The following PRKG1 variants were observed in gnomAD, a reference collection of about 807,000 sequenced individuals.
PRKG1 encodes the protein cGMP-dependent protein kinase 1.
A neutral mutation model predicts 88.1 loss-of-function variants in PRKG1; 35 were observed. The observed-to-expected ratio is 0.40, with a 90% CI of 0.30 to 0.53. The LOEUF (loss-of-function observed/expected upper bound fraction) is 0.53. PRKG1 is among the 20% of genes least tolerant of loss of function. PRKG1 has a pLI of 0.59. For synonymous variants in PRKG1, 303 were observed against 292.5 expected, an observed-to-expected ratio of 1.04 and a Z score of -0.37; for missense variants, 540 against 839.8, an observed-to-expected ratio of 0.64 and a Z score of 4.41.
intron 3 of PRKG1, among the ~76,000 whole-genome samples, chr10:51,673,627 A>T (rs1017808805): frequency 5.9e-5 from 9 of 152,214 alleles, no homozygotes; most frequent in Non-Finnish European, 1.3e-4. Context: ...TTCATTTCTC[A>T]TCTTGTGACC....
chr10:51,667,676 A>G (rs1224046784), intron 3 of PRKG1, among the ~76,000 whole-genome samples: 1 of 152,210 alleles, frequency 6.6e-6, no homozygotes, highest in East Asian at 1.9e-4. Flanking sequence ...AGTCTTGTCC[A>G]TGTGTTATTT....
At chr10:51,692,877 A>G (rs1052147587) in intron 3 of PRKG1, among the ~76,000 whole-genome samples, 10 of 152,208 alleles carry the variant, frequency 6.6e-5, no homozygotes, top group African/African-American at 1.9e-4. Flanking sequence ...ATGATTGAGA[A>G]TGTTGTGTAT....
chr10:51,170,434 G>GTA (rs112008802), intron 2 of PRKG1, among the ~76,000 whole-genome samples: 6,562 of 119,516 alleles, frequency 0.055, 329 homozygotes, highest in African/African-American at 0.18. Flanking sequence ...AAATGTCTGG[G>GTA]TATACACACA....
intron 1 of PRKG1, among the ~76,000 whole-genome samples, chr10:51,068,071 G>C (rs1397212433): frequency 6.6e-6 from 1 of 151,976 alleles, no homozygotes; most frequent in Non-Finnish European, 1.5e-5. Context: ...CCCCAGCCTG[G>C]GGCTTCTACC....
At chr10:52,229,205 G>A (rs532540275) in intron 9 of PRKG1, among the ~76,000 whole-genome samples, 135 of 152,118 alleles carry the variant, frequency 8.9e-4, no homozygotes, top group Non-Finnish European at 1.8e-3. Flanking sequence ...ATTACTCAAA[G>A]GGGTAAAGAC....
chr10:51,478,430 A>C (rs142114477), intron 3 of PRKG1, among the ~76,000 whole-genome samples: 2,954 of 152,166 alleles, frequency 0.019, 52 homozygotes, highest in South Asian at 0.035. Context: ...TAAGAATGCA[A>C]AAACTGGCCC....
intron 3 of PRKG1, among the ~76,000 whole-genome samples, chr10:51,760,692 G>A (rs186719206): frequency 1.9e-4 from 29 of 151,916 alleles, no homozygotes; most frequent in Admixed American, 6.5e-4. Context: ...GTCTGGTCTC[G>A]AACTCTTGAC....
chr10:52,093,150 T>G (rs1367374025), intron 7 of PRKG1, among the ~76,000 whole-genome samples: 3 of 152,174 alleles, frequency 2.0e-5, no homozygotes, highest in Non-Finnish European at 2.9e-5. Flanking sequence ...TAACTTTCAT[T>G]GTTAGAAATA....
At chr10:51,230,283 A>G (rs551365248) in intron 2 of PRKG1, among the ~76,000 whole-genome samples, 126 of 150,272 alleles carry the variant, frequency 8.4e-4, no homozygotes, top group African/African-American at 3.1e-3. Flanking sequence ...ACAAAGAGAC[A>G]TGCATAGAGG....
chr10:51,960,736 C>T (rs2133070613), intron 5 of PRKG1, among the ~76,000 whole-genome samples: 1 of 152,198 alleles, frequency 6.6e-6, no homozygotes, highest in East Asian at 1.9e-4. Context: ...AGATGAATCA[C>T]GTGTTTTATG....
At chr10:51,614,991 A>G (rs971527764) in intron 3 of PRKG1, among the ~76,000 whole-genome samples, 6 of 132,584 alleles carry the variant, frequency 4.5e-5, no homozygotes, top group Non-Finnish European at 9.8e-5. Context: ...AACTTTGAAT[A>G]TATCCATCTT....
At chr10:51,469,023 T>A (rs1318602070) in intron 3 of PRKG1, among the ~76,000 whole-genome samples, 2 of 151,808 alleles carry the variant, frequency 1.3e-5, no homozygotes, top group Non-Finnish European at 3.0e-5. Flanking sequence ...TCTGAAAGCA[T>A]AGGACTCTTT....
intron 2 of PRKG1, among the ~76,000 whole-genome samples, chr10:51,416,214 TA>T (rs57869919): frequency 0.02 from 3,078 of 152,280 alleles, 72 homozygotes; most frequent in Middle Eastern, 0.058. Flanking sequence ...TCTAATAAAA[TA>T]ATTCAATTAA....
intron 9 of PRKG1, among the ~76,000 whole-genome samples, chr10:52,202,417 CT>C (rs1458184072): frequency 1.3e-5 from 2 of 152,022 alleles, no homozygotes; most frequent in Admixed American, 6.6e-5. Flanking sequence ...GGTGGATTAG[CT>C]TTTTGATGTG....
intron 3 of PRKG1, among the ~76,000 whole-genome samples, chr10:51,593,236 T>C (rs1838356768): frequency 6.6e-6 from 1 of 152,212 alleles, no homozygotes; most frequent in African/African-American, 2.4e-5. Context: ...GAAAATACAT[T>C]TCTCATATAC....
chr10:51,609,833 G>C (rs1199176943), intron 3 of PRKG1, among the ~76,000 whole-genome samples: 1 of 152,018 alleles, frequency 6.6e-6, no homozygotes. Context: ...ACTGGGGCCT[G>C]TCAGGGATTA....
intron 3 of PRKG1, among the ~76,000 whole-genome samples, chr10:51,663,777 A>G (rs528063988): frequency 6.6e-6 from 1 of 151,906 alleles, no homozygotes; most frequent in Admixed American, 6.6e-5. Flanking sequence ...GCAATGGAAT[A>G]AACTGCAGAA....
chr10:51,812,847 T>C (rs1433095737), intron 4 of PRKG1, among the ~76,000 whole-genome samples: 1 of 152,158 alleles, frequency 6.6e-6, no homozygotes, highest in Admixed American at 6.5e-5. Context: ...GACAAATGAC[T>C]GTTGAGTTTT....
At chr10:51,348,451 A>G (rs527553710) in intron 2 of PRKG1, among the ~76,000 whole-genome samples, 6 of 152,224 alleles carry the variant, frequency 3.9e-5, no homozygotes, top group African/African-American at 1.2e-4. Context: ...AGTAACCACA[A>G]CCTCCAGGTG....
Sources: allele counts gnomAD v4.1 joint callset (sites outside exome capture counted in the v4.1 genomes callset), GRCh38; gene constraint gnomAD v4.1.1; transcripts MANE v1.5; gene names NCBI Gene and HGNC (gene_info 2026-07-23, HGNC 2026-07-21).